The following EPHA5 variants were observed in gnomAD, a reference collection of about 807,000 sequenced individuals.
The protein encoded by EPHA5 is ephrin type-A receptor 5.
Under a neutral mutation model 105.0 loss-of-function variants are expected in EPHA5, and 60 were observed. That is an observed-to-expected ratio of 0.57 (90% CI 0.46 to 0.71). The LOEUF (loss-of-function observed/expected upper bound fraction) is 0.71. Among genes scored for constraint, EPHA5 ranks in the 30% least tolerant of loss-of-function variants. The pLI, the probability that EPHA5 is intolerant of heterozygous loss-of-function variation, is 0.00. For synonymous variants in EPHA5, 513 were observed against 449.1 expected, an observed-to-expected ratio of 1.14 and a Z score of -1.80; for missense variants, 1,218 against 1,274.7, an observed-to-expected ratio of 0.96 and a Z score of 0.68.
Position 65,488,153 on chromosome 4 carries a change from T to C in EPHA5, c.1402+2224A>G, listed in dbSNP as rs73822177. Among the ~76,000 whole-genome samples, 1,278 of 152,304 alleles carry C rather than the reference T, an allele frequency of 8.4e-3. 18 individuals carry two copies. The highest frequency in any genetic ancestry group is 0.029 in the African/African-American group (1,204 of 41,548). On this transcript the variant is annotated intron_variant, in intron 5 of 16. Coordinates refer to ENST00000613740, the MANE Select transcript of EPHA5 (RefSeq NM_001281766.3). The stretch of plus-strand genomic sequence containing the variant: ...TGGATGAAAATTGATCTTTTTTTGG[T>C]ATTTAAGGTATTCAAGTTTCAAATA...
At chr4:65,664,915 C>T (rs111716847) in intron 1 of EPHA5, among the ~76,000 whole-genome samples, 1,618 of 151,958 alleles carry the variant, frequency 0.011, 16 homozygotes, top group Non-Finnish European at 0.016. Flanking sequence ...TTTATAAAAA[C>T]CATTGTGAGC....
chr4:65,637,256 A>G (rs1747210602), intron 2 of EPHA5, among the ~76,000 whole-genome samples: 1 of 145,198 alleles, frequency 6.9e-6, no homozygotes, highest in African/African-American at 2.5e-5. Context: ...AGGTCCCTCC[A>G]GAAACAAACA....
chr4:65,399,039 G>A (rs1429371581), intron 8 of EPHA5, among the ~76,000 whole-genome samples: 1 of 152,154 alleles, frequency 6.6e-6, no homozygotes, highest in African/African-American at 2.4e-5. Flanking sequence ...TGCTGGCAAT[G>A]AGAAGGAGAG....
At chr4:65,416,205 C>T (rs6831942) in intron 6 of EPHA5, among the ~76,000 whole-genome samples, 82,363 of 151,636 alleles carry the variant, frequency 0.54, 24,762 homozygotes, top group South Asian at 0.69. Flanking sequence ...TTCATTTTTA[C>T]GTAAAGGATT....
At chr4:65,578,993 A>G (rs1200471440) in intron 3 of EPHA5, among the ~76,000 whole-genome samples, 2 of 152,080 alleles carry the variant, frequency 1.3e-5, no homozygotes, top group Non-Finnish European at 2.9e-5. Context: ...TAGACTTTGA[A>G]CTAGAAAAGG....
At chr4:65,468,612 T>A (rs7700130) in intron 5 of EPHA5, among the ~76,000 whole-genome samples, 25 of 115,368 alleles carry the variant, frequency 2.2e-4, no homozygotes, top group East Asian at 4.5e-4. Context: ...ATTATATATA[T>A]TATATATATA....
At chr4:65,541,060 C>A (rs1736782360) in intron 3 of EPHA5, among the ~76,000 whole-genome samples, 2 of 151,212 alleles carry the variant, frequency 1.3e-5, no homozygotes, top group South Asian at 2.1e-4. Flanking sequence ...CCTCCTTCCC[C>A]TTTCTCATCT....
At chr4:65,379,177 T>C (rs1327113497) in intron 8 of EPHA5, among the ~76,000 whole-genome samples, 1 of 151,836 alleles carries the variant, frequency 6.6e-6, no homozygotes, top group Non-Finnish European at 1.5e-5. Flanking sequence ...GTGAAATAAA[T>C]GTGTCAAGAA....
chr4:65,436,660 T>C (rs1209239416), intron 5 of EPHA5, among the ~76,000 whole-genome samples: 2 of 151,994 alleles, frequency 1.3e-5, no homozygotes, highest in Non-Finnish European at 2.9e-5. Flanking sequence ...GATTGAACAG[T>C]GTAGTATTTA....
chr4:65,570,601 A>C (rs1242932169), intron 3 of EPHA5, among the ~76,000 whole-genome samples: 1 of 151,960 alleles, frequency 6.6e-6, no homozygotes, highest in East Asian at 1.9e-4. Flanking sequence ...TAGGATAAAA[A>C]AAGGTCATGA....
At chr4:65,473,369 C>T (rs1400604009) in intron 5 of EPHA5, among the ~76,000 whole-genome samples, 1 of 152,280 alleles carries the variant, frequency 6.6e-6, no homozygotes, top group Non-Finnish European at 1.5e-5. Flanking sequence ...TTAAACCATT[C>T]TCACACTTCT....
chr4:65,340,679 C>A (rs1721627551), intron 14 of EPHA5, among the ~76,000 whole-genome samples: 1 of 152,150 alleles, frequency 6.6e-6, no homozygotes, highest in Non-Finnish European at 1.5e-5. Flanking sequence ...TTTCTGAATT[C>A]TTTCTTAGGA....
At chr4:65,343,731 T>C (rs1721952008) in intron 14 of EPHA5, among the ~76,000 whole-genome samples, 1 of 152,202 alleles carries the variant, frequency 6.6e-6, no homozygotes, top group Non-Finnish European at 1.5e-5. Flanking sequence ...ATTGAGAAAG[T>C]AACAATGCAT....
intron 8 of EPHA5, among the ~76,000 whole-genome samples, chr4:65,389,787 T>A (rs1340591960): frequency 6.6e-6 from 1 of 152,000 alleles, no homozygotes; most frequent in East Asian, 1.9e-4. Flanking sequence ...ATGGGACTAT[T>A]TGAATCTATG....
chr4:65,489,850 T>C (rs1166894231), intron 5 of EPHA5, among the ~76,000 whole-genome samples: 1 of 152,188 alleles, frequency 6.6e-6, no homozygotes, highest in East Asian at 1.9e-4. Context: ...GTTACTCTAA[T>C]TTTGATAAAT....
chr4:65,558,766 T>C (rs911604458), intron 3 of EPHA5, among the ~76,000 whole-genome samples: 1 of 152,020 alleles, frequency 6.6e-6, no homozygotes, highest in African/African-American at 2.4e-5. Flanking sequence ...AAATAGAAAA[T>C]AATTATAGAA....
chr4:65,574,681 TATATATAC>T (rs1425702867), intron 3 of EPHA5, among the ~76,000 whole-genome samples: 7,330 of 79,112 alleles, frequency 0.093, 638 homozygotes, highest in East Asian at 0.15. Context: ...TATATATACA[TATATATAC>T]ATATATATAC....
chr4:65,617,880 T>A (rs537161061), intron 2 of EPHA5, among the ~76,000 whole-genome samples: 2 of 152,066 alleles, frequency 1.3e-5, no homozygotes, highest in Non-Finnish European at 1.5e-5. Flanking sequence ...CCCATAGAGG[T>A]CTCAGAAGAT....
chr4:65,635,662 C>T (rs181735379), intron 2 of EPHA5, among the ~76,000 whole-genome samples: 2 of 152,140 alleles, frequency 1.3e-5, no homozygotes, highest in Admixed American at 6.5e-5. Flanking sequence ...TAAGCAAACA[C>T]CAAACCATTA....
Sources: gnomAD v4.1 joint callset for allele counts (sites outside exome capture counted in the v4.1 genomes callset) on GRCh38, gnomAD v4.1.1 for gene constraint, MANE v1.5 for transcripts, NCBI Gene and HGNC (gene_info 2026-07-23, HGNC 2026-07-21) for gene names.